GABRB2: variants seen among roughly 807,000 people sequenced by gnomAD.
The protein encoded by GABRB2 is gamma-aminobutyric acid receptor subunit beta-2.
A neutral mutation model predicts 54.7 loss-of-function variants in GABRB2; 16 were observed. The ratio of observed to expected loss-of-function variants is 0.29; its 90% CI spans 0.20 to 0.44. The LOEUF is 0.44. Ranked by LOEUF, GABRB2 falls within the 20% of genes least tolerant of loss-of-function variation. The pLI is 1.00. For missense variants in GABRB2, 355 were observed against 644.0 expected (o/e 0.55, Z 4.86); for synonymous variants, 244 against 233.8 (o/e 1.04, Z -0.40).
intron 4 of GABRB2, 114 bp downstream of exon 4, chr5:161,459,510 G>A: frequency 2.2e-6 from 2 of 901,864 alleles, no homozygotes; most frequent in Admixed American, 2.1e-5. Flanking sequence ...AGGCTTAACT[G>A]TTTCTTAGTA....
chr5:161,487,619 T>G (rs1422330676), intron 3 of GABRB2, among the ~76,000 whole-genome samples: 1 of 151,990 alleles, frequency 6.6e-6, no homozygotes, highest in Non-Finnish European at 1.5e-5. Context: ...GTTCTGCTCC[T>G]GTTTCATTTG....
At chr5:161,373,582 A>G (rs1189207436) in intron 5 of GABRB2, among the ~76,000 whole-genome samples, 1 of 152,176 alleles carries the variant, frequency 6.6e-6, no homozygotes, top group East Asian at 1.9e-4. Flanking sequence ...TCTCTTGATA[A>G]CAGGCCTTTT....
chr5:161,437,476 C>T (rs1048535733), intron 4 of GABRB2, among the ~76,000 whole-genome samples: 1 of 152,082 alleles, frequency 6.6e-6, no homozygotes, highest in Admixed American at 6.6e-5. Flanking sequence ...ACCCTTTGGG[C>T]CCTGACTAAC....
intron 3 of GABRB2, among the ~76,000 whole-genome samples, chr5:161,469,935 G>GA (rs1388352635): frequency 1.3e-5 from 2 of 151,868 alleles, no homozygotes; most frequent in Non-Finnish European, 2.9e-5. Context: ...AGATAGAAAG[G>GA]ATGATCCCTG....
chr5:161,526,678 A>T (rs1760291551), intron 3 of GABRB2, among the ~76,000 whole-genome samples: 1 of 151,420 alleles, frequency 6.6e-6, no homozygotes, highest in African/African-American at 2.4e-5. Context: ...ATAGTTATAT[A>T]ATCTTTGTTC....
chr5:161,435,012 T>C (rs1447806013), intron 4 of GABRB2, among the ~76,000 whole-genome samples: 1 of 152,192 alleles, frequency 6.6e-6, no homozygotes, highest in African/African-American at 2.4e-5. Flanking sequence ...TGCGGTGTTA[T>C]ATAGAGATGT....
rs1256422018 is a variant in GABRB2 at position 161,478,640 on chromosome 5, C to A, written c.238-18796G>T. Among the ~76,000 whole-genome samples the A allele has an allele frequency of 2.6e-5, 4 of 152,090 alleles. No homozygotes were observed. In the East Asian group the frequency reaches 7.8e-4, roughly 30 times the overall value. On this transcript the variant is annotated intron_variant, in intron 3 of 9. Coordinates refer to ENST00000393959, the MANE Select transcript of GABRB2 (RefSeq NM_001371727.1). Reference sequence around the variant, plus strand: ...AGATATTGGGAGAGGATTGGGAAGACAAACTGATATTCCACCTAGATTTCC... The same window carrying A: ...AGATATTGGGAGAGGATTGGGAAGAAAAACTGATATTCCACCTAGATTTCC...
At position 161,460,268 on chromosome 5, in the gene GABRB2, A is replaced by ATATATATATGTG. The variant is rs1473728574; in HGVS notation, c.238-425_238-424insCACATATATATA. Among the ~76,000 whole-genome samples, 122 of 148,664 alleles carry ATATATATATGTG rather than the reference A, an allele frequency of 8.2e-4. 1 individual carries two copies. The highest frequency in any genetic ancestry group is 2.8e-3 in the African/African-American group (112 of 40,508). ...GCCAAGAAAACAAATTTATATATAT[A>ATATATATATGTG]TGTGTGTGTGTGTGTGTGTGTGTGT... On this transcript the variant is annotated intron_variant, in intron 3 of 9. Transcript: ENST00000393959.
intron 9 of GABRB2, among the ~76,000 whole-genome samples, chr5:161,299,215 A>G (rs1203366283): frequency 6.6e-6 from 1 of 152,212 alleles, no homozygotes; most frequent in African/African-American, 2.4e-5. Context: ...TTCATCAAGC[A>G]CCACGCACTC....
chr5:161,545,994 G>A (rs1000842964), intron 2 of GABRB2, among the ~76,000 whole-genome samples: 1 of 152,198 alleles, frequency 6.6e-6, no homozygotes, highest in African/African-American at 2.4e-5. Context: ...CCGCAAGCCG[G>A]GTTCTCTCGG....
In GABRB2 at chr5:161,376,564, G is replaced by C. The variant is rs796590080; in HGVS notation, c.541+34411C>G. ...GGTTGCAGAAACTCTAAAACTTTTG[G>C]TTTCATGTGCTGTTCATGTAAGGAT... On this transcript the variant is annotated intron_variant, in intron 5 of 9. Transcript: ENST00000393959. Among the ~76,000 whole-genome samples, 33 of 152,140 alleles carry C rather than the reference G, an allele frequency of 2.2e-4. 1 individual carries two copies. Among genetic ancestry groups the C allele is most frequent in the African/African-American group, 7.5e-4 (31 of 41,524 alleles).
At chr5:161,500,318 C>CT (rs199735249) in intron 3 of GABRB2, among the ~76,000 whole-genome samples, 60 of 151,900 alleles carry the variant, frequency 3.9e-4, no homozygotes, top group Middle Eastern at 3.4e-3. Flanking sequence ...TCATTCTTTG[C>CT]TTTTTTTTCC....
At chr5:161,326,605 C>A in intron 8 of GABRB2, 124 bp from the exon 9 acceptor site, 2 of 1,172,922 alleles carry the variant, frequency 1.7e-6, no homozygotes, top group Non-Finnish European at 1.1e-6. Context: ...TAGATAAAGG[C>A]TAACAGAGAA....
intron 3 of GABRB2, among the ~76,000 whole-genome samples, chr5:161,522,692 AAAC>A: frequency 6.6e-6 from 1 of 151,788 alleles, no homozygotes; most frequent in African/African-American, 2.4e-5. Flanking sequence ...AGTTCCAGAA[AAAC>A]AACAACGAAA....
chr5:161,546,741 G>A, upstream of GABRB2: 2 of 1,530,912 alleles, frequency 1.3e-6, no homozygotes, highest in African/African-American at 1.4e-5. Flanking sequence ...GCATGCGCAC[G>A]GCGTACCAAA....
intron 5 of GABRB2, among the ~76,000 whole-genome samples, chr5:161,376,681 T>A (rs1053101576): frequency 2.0e-5 from 3 of 152,100 alleles, no homozygotes; most frequent in Admixed American, 6.6e-5. Flanking sequence ...CAGTAAAACA[T>A]AATAATCCCA....
chr5:161,472,469 C>T (rs1462981441), intron 3 of GABRB2, among the ~76,000 whole-genome samples: 1 of 150,676 alleles, frequency 6.6e-6, no homozygotes, highest in Non-Finnish European at 1.5e-5. Flanking sequence ...CACACACACA[C>T]ACAGTCATAT....
chr5:161,416,224 G>C (rs1468923717), intron 4 of GABRB2, among the ~76,000 whole-genome samples: 4 of 152,162 alleles, frequency 2.6e-5, no homozygotes, highest in African/African-American at 9.7e-5. Context: ...GCAGAGATGA[G>C]CCACCATGCC....
intron 3 of GABRB2, 22 bp from the exon 4 acceptor site, chr5:161,459,866 A>T (rs769818424): frequency 1.3e-6 from 2 of 1,502,488 alleles, no homozygotes; most frequent in Admixed American, 3.4e-5. Context: ...AGAAAAAAAA[A>T]CATGGTTAGT....
Sources: gnomAD v4.1 joint callset for allele counts (sites outside exome capture counted in the v4.1 genomes callset) on GRCh38, gnomAD v4.1.1 for gene constraint, MANE v1.5 for transcripts, NCBI Gene and HGNC (gene_info 2026-07-23, HGNC 2026-07-21) for gene names.